Variants in PTPN1 observed in about 807,000 individuals in gnomAD.
PTPN1 encodes the protein tyrosine-protein phosphatase non-receptor type 1.
A neutral mutation model predicts 59.9 loss-of-function variants in PTPN1; 12 were observed. The observed-to-expected ratio is 0.20, with a 90% confidence interval of 0.13 to 0.32. The LOEUF (loss-of-function observed/expected upper bound fraction) is 0.32, where lower values mean the gene tolerates loss of function less well. PTPN1 is among the 10% of genes least tolerant of loss of function. The probability of loss-of-function intolerance (pLI) is 1.00; values close to 1 mark genes in which losing one functional copy is unlikely to be tolerated. For missense variants in PTPN1, 356 were observed against 549.2 expected (o/e 0.65, Z 3.52); for synonymous variants, 178 against 203.6 (o/e 0.87, Z 1.07).
In PTPN1 at chr20:50,574,271, G is replaced by T. The variant is rs923821916; in HGVS notation, c.355-246G>T. The T allele has an allele frequency of 6.6e-6, 3 of 455,360 alleles. No homozygotes were observed. In the South Asian group the frequency reaches 1.1e-4, roughly 16 times the overall value. 28.2% of individuals were successfully genotyped at this position (455,360 alleles called of 1,614,324 possible). ...GAGCCCTGCAGGATCCCGTTGCCAC[G>T]TTTGACCGGGGAGCCGATGGGTTTG... On this transcript the variant is annotated intron_variant, in intron 4 of 9. Transcript: ENST00000371621.
Position 50,510,460 on chromosome 20 carries a change from G to C in PTPN1, c.-68G>C. On this transcript the variant is annotated 5_prime_UTR_variant, in exon 1 of 10. Coordinates refer to ENST00000371621, the MANE Select transcript of PTPN1 (RefSeq NM_002827.4). ...CAGCGGGCCTCGGGGCTAAGAGCGCGACGCGGCCTAGAGCGGCAGACGGCG... is the reference window on the plus strand; with the variant it reads ...CAGCGGGCCTCGGGGCTAAGAGCGCCACGCGGCCTAGAGCGGCAGACGGCG... 1.3e-6 allele frequency: 2 copies of C among 1,520,374 alleles called. No individual in the cohort carries two copies. The highest frequency in any genetic ancestry group is 1.8e-6 in the Non-Finnish European group (2 of 1,126,396). The allele number at this position is 1,520,374 out of a possible 1,614,324, so 94.2% of individuals were successfully genotyped here.
intron 8 of PTPN1, 64 bp downstream of exon 8, chr20:50,579,990 C>T (rs2082857896): frequency 4.2e-6 from 6 of 1,443,240 alleles, no homozygotes; most frequent in East Asian, 4.6e-5. Flanking sequence ...TAGAAACACA[C>T]GCTGGTACTG....
intron 1 of PTPN1, among the ~76,000 whole-genome samples, chr20:50,541,019 T>TG (rs1458103382): frequency 2.0e-5 from 3 of 152,184 alleles, no homozygotes; most frequent in Non-Finnish European, 4.4e-5. Flanking sequence ...CTGTGTCAGA[T>TG]AGAATGTACT....
chr20:50,563,441 G>GA (rs1167643193), intron 2 of PTPN1, among the ~76,000 whole-genome samples: 1 of 152,106 alleles, frequency 6.6e-6, no homozygotes, highest in African/African-American at 2.4e-5. Context: ...TTTAGCAAAT[G>GA]AAAAAACCAA....
intron 2 of PTPN1, among the ~76,000 whole-genome samples, chr20:50,561,888 G>T (rs1438983010): frequency 6.6e-6 from 1 of 152,140 alleles, no homozygotes; most frequent in Non-Finnish European, 1.5e-5. Flanking sequence ...ATGCAAGGCA[G>T]CTCTGTCTGG....
In PTPN1 at chr20:50,568,687, C is replaced by T. The variant is rs1342860353; in HGVS notation, c.354+209C>T. ...GAATAAAAGGGAGGAGGCGGAAGAA[C>T]TGCACGGACCTCTTCGCCCCCGCCT... is the stretch of plus-strand genomic sequence containing the variant. On this transcript the variant is annotated intron_variant, in intron 4 of 9. Coordinates refer to ENST00000371621, the MANE Select transcript of PTPN1 (RefSeq NM_002827.4). This position sits in a 1 kb window ranked among gnomAD's most constrained non-coding sequence, Gnocchi z 5.6. Among the ~76,000 whole-genome samples, 1 of 152,238 alleles carries T rather than the reference C, an allele frequency of 6.6e-6. No homozygotes were observed. Among genetic ancestry groups the T allele is most frequent in the Non-Finnish European group, 1.5e-5 (1 of 68,040 alleles).
Position 50,563,624 on chromosome 20 carries a change from G to A in PTPN1, c.155-1345G>A, listed in dbSNP as rs779842096. On this transcript the variant is annotated intron_variant, in intron 2 of 9. Transcript: ENST00000371621. ...CTCCATAATGAGAAACAGTGTTCCA[G>A]ATGGTGGCTAGTTTTCAAAGACATC... Among the ~76,000 whole-genome samples, 9 of 152,180 alleles carry A rather than the reference G, an allele frequency of 5.9e-5. No individual in the cohort carries two copies. In the South Asian group the frequency reaches 1.0e-3, roughly 18 times the overall value.
chr20:50,561,534 G>A, intron 2 of PTPN1, 81 bp downstream of exon 2: 1 of 841,232 alleles, frequency 1.2e-6, no homozygotes, highest in Non-Finnish European at 1.9e-6. Flanking sequence ...TCGCCTCAGG[G>A]TTTAGTATAA....
chr20:50,561,286 C>CTCTTTGATGTCTGTT lies in PTPN1; in HGVS notation c.64-70_64-56dup, dbSNP rs1343632566. On this transcript the variant is annotated intron_variant, in intron 1 of 9. Coordinates refer to ENST00000371621, the MANE Select transcript of PTPN1 (RefSeq NM_002827.4). ...CTTGCATTTCCCATATTGCCCGGCT[C>CTCTTTGATGTCTGTT]TCTTTGATGTCTGTTTCTTTGCTGG... 4 of 1,129,818 alleles carry CTCTTTGATGTCTGTT rather than the reference C, an allele frequency of 3.5e-6. No individual in the cohort carries two copies. The African/African-American group carries it at 6.2e-5, about 18-fold the overall frequency. 70.0% of individuals were successfully genotyped at this position (1,129,818 alleles called of 1,614,324 possible).
At chr20:50,551,371 T>A (rs2082701507) in intron 1 of PTPN1, among the ~76,000 whole-genome samples, 1 of 152,250 alleles carries the variant, frequency 6.6e-6, no homozygotes, top group African/African-American at 2.4e-5. Context: ...CTAGCCTAGC[T>A]AAATCATAAC....
intron 1 of PTPN1, among the ~76,000 whole-genome samples, chr20:50,559,470 T>G (rs1160842987): frequency 6.6e-6 from 1 of 152,220 alleles, no homozygotes; most frequent in African/African-American, 2.4e-5. Flanking sequence ...TCCCAGAAAC[T>G]TACAGAACAT....
At chr20:50,537,713 C>T (rs1172646381) in intron 1 of PTPN1, among the ~76,000 whole-genome samples, 3 of 152,122 alleles carry the variant, frequency 2.0e-5, no homozygotes, top group African/African-American at 7.2e-5. Flanking sequence ...AACAGAATTG[C>T]CAATCTGCTT....
chr20:50,574,249 C>A (rs1441158368), intron 4 of PTPN1: 3 of 427,614 alleles, frequency 7.0e-6, no homozygotes, highest in Non-Finnish European at 1.2e-5. Context: ...AGCGTCAGAG[C>A]CCTGCAGGAT....
At chr20:50,543,931 C>T (rs1186221866) in intron 1 of PTPN1, among the ~76,000 whole-genome samples, 2 of 152,044 alleles carry the variant, frequency 1.3e-5, no homozygotes, top group Non-Finnish European at 2.9e-5. Flanking sequence ...CTACAACCTC[C>T]GCTTCCTGAG....
At chr20:50,513,762 A>G (rs1181617697) in intron 1 of PTPN1, among the ~76,000 whole-genome samples, 1 of 152,216 alleles carries the variant, frequency 6.6e-6, no homozygotes, top group Non-Finnish European at 1.5e-5. Context: ...TATACAGCTT[A>G]TGTTGTTATA....
In PTPN1 at chr20:50,579,920, T is replaced by C. The variant is rs749017764; in HGVS notation, c.1082T>C (p.Ile361Thr). Residue 361 changes from isoleucine to threonine, a missense_variant, in exon 8 of 10, where the codon ATC becomes ACC. Transcript: ENST00000371621. ...CCCTTAAATGCCGCACCCTACGGCA[T>C]CGAAAGGTAATATGATTGGGTCCCA... Reference protein sequence around the residue: ...GSPLNAAPYGIESMSQDTEVR... With the variant: ...GSPLNAAPYGTESMSQDTEVR... 1.9e-6 allele frequency: 3 copies of C among 1,613,488 alleles called. No individual in the cohort carries two copies. Among genetic ancestry groups the C allele is most frequent in the Non-Finnish European group, 2.5e-6 (3 of 1,179,756 alleles).
At chr20:50,524,153 G>A (rs1210321439) in intron 1 of PTPN1, among the ~76,000 whole-genome samples, 2 of 152,138 alleles carry the variant, frequency 1.3e-5, no homozygotes, top group African/African-American at 2.4e-5. Flanking sequence ...CCTAGTGGAG[G>A]TTATTCCATC....
In PTPN1 at chr20:50,566,161, T is replaced by A. The variant is rs190414752; in HGVS notation, c.255+1092T>A. 7.2e-5 allele frequency among the ~76,000 whole-genome samples: 11 copies of A among 151,922 alleles called. No homozygotes were observed. The East Asian group carries it at 2.1e-3, about 29-fold the overall frequency. ...CCTGGTCCTCCCAGCACCTCTGGGG[T>A]ATTTAGGGGAGGCTGATGGGGGAGG... On this transcript the variant is annotated intron_variant, in intron 3 of 9. Transcript: ENST00000371621.
intron 1 of PTPN1, among the ~76,000 whole-genome samples, chr20:50,529,730 G>T (rs1029045026): frequency 6.6e-6 from 1 of 152,188 alleles, no homozygotes; most frequent in Non-Finnish European, 1.5e-5. Context: ...AGAGAAGGAA[G>T]ATATAAACAT....
Sources: gnomAD v4.1 joint callset for allele counts (sites outside exome capture counted in the v4.1 genomes callset) on GRCh38, gnomAD v4.1.1 for gene constraint, Gnocchi (gnomAD v3.1) non-coding constraint, MANE v1.5 for transcripts, NCBI Gene and HGNC (gene_info 2026-07-23, HGNC 2026-07-21) for gene names.